NYAP2: variants seen among roughly 807,000 people sequenced by gnomAD.
The protein encoded by NYAP2 is neuronal tyrosine-phosphorylated phosphoinositide-3-kinase adaptor 2.
Under a neutral mutation model 50.4 loss-of-function variants are expected in NYAP2, and 23 were observed. The observed-to-expected ratio is 0.46, with a 90% CI of 0.33 to 0.65. The LOEUF is 0.65. Among genes scored for constraint, NYAP2 ranks in the 30% least tolerant of loss-of-function variants. The pLI is 0.02. For synonymous variants in NYAP2, 394 were observed against 365.2 expected (o/e 1.08, Z -0.90); for missense variants, 885 against 861.0 (o/e 1.03, Z -0.35).
chr2:225,568,358 A>T (rs1376236129), intron 4 of NYAP2, among the ~76,000 whole-genome samples: 1 of 152,118 alleles, frequency 6.6e-6, no homozygotes, highest in Non-Finnish European at 1.5e-5. Flanking sequence ...AATGTTGAGT[A>T]TTCCTTCACT....
In NYAP2 at chr2:225,640,745, G is replaced by A. The variant is rs960246497; in HGVS notation, c.1829-10687G>A. On this transcript the variant is annotated intron_variant, in intron 6 of 6. Coordinates refer to ENST00000636099, the Ensembl canonical transcript of NYAP2. The stretch of plus-strand genomic sequence containing the variant: ...ACATAAGTTTCATATTGTTAGATCT[G>A]CAAAGTCAGCTAATTACCTGTTACC... Among the ~76,000 whole-genome samples, 3 of 152,052 alleles carry A rather than the reference G, an allele frequency of 2.0e-5. 1 individual carries two copies.
At chr2:225,546,004 G>T (rs538025750) in intron 4 of NYAP2, among the ~76,000 whole-genome samples, 1 of 152,074 alleles carries the variant, frequency 6.6e-6, no homozygotes, top group Non-Finnish European at 1.5e-5. Context: ...CCCAGCTCTC[G>T]TTCTCTTTCC....
chr2:225,454,853 T>C (rs1689713376), intron 3 of NYAP2, among the ~76,000 whole-genome samples: 1 of 152,080 alleles, frequency 6.6e-6, no homozygotes, highest in East Asian at 1.9e-4. Context: ...CACCGTGTTA[T>C]GTTAAATAGC....
At chr2:225,563,052 G>A (rs986553707) in intron 4 of NYAP2, among the ~76,000 whole-genome samples, 1 of 152,088 alleles carries the variant, frequency 6.6e-6, no homozygotes, top group Non-Finnish European at 1.5e-5. Context: ...GTAAAAGTCT[G>A]CATCTTTTTA....
At chr2:225,489,164 CT>C (rs1026013843) in intron 3 of NYAP2, among the ~76,000 whole-genome samples, 1 of 151,896 alleles carries the variant, frequency 6.6e-6, no homozygotes. Context: ...AGAGGCTCCC[CT>C]TTTTCCCCTT....
intron 3 of NYAP2, among the ~76,000 whole-genome samples, chr2:225,511,559 A>C (rs532804705): frequency 6.6e-6 from 1 of 152,264 alleles, no homozygotes; most frequent in African/African-American, 2.4e-5. Flanking sequence ...CTCCGTGCTT[A>C]GTGTCTGAGT....
At chr2:225,506,222 A>G (rs562220980) in intron 3 of NYAP2, among the ~76,000 whole-genome samples, 1 of 152,148 alleles carries the variant, frequency 6.6e-6, no homozygotes, top group Admixed American at 6.5e-5. Context: ...CCTTTGTAAA[A>G]CAAATGTGTG....
the NYAP2 span, among the ~76,000 whole-genome samples, chr2:225,673,564 A>T: frequency 6.6e-6 from 1 of 152,154 alleles, no homozygotes; most frequent in African/African-American, 2.4e-5. Flanking sequence ...CAATCTTTGG[A>T]TTATTGCTGT....
At chr2:225,678,466 GTTGGA>G in the NYAP2 span, among the ~76,000 whole-genome samples, 18 of 151,996 alleles carry the variant, frequency 1.2e-4, no homozygotes, top group Non-Finnish European at 2.5e-4. Flanking sequence ...CAGCTGTGTG[GTTGGA>G]TTGATCTTTT....
At chr2:225,655,909 C>CACACACACACACACACACACACAT (rs1559242687), downstream of NYAP2, among the ~76,000 whole-genome samples, 24 of 146,326 alleles carry the variant, frequency 1.6e-4, no homozygotes, top group African/African-American at 5.8e-4. Flanking sequence ...CACACACACA[C>CACACACACACACACACACACACAT]ACACACACAC....
intron 4 of NYAP2, among the ~76,000 whole-genome samples, chr2:225,519,202 C>A (rs1275436192): frequency 2.0e-5 from 3 of 151,280 alleles, no homozygotes; most frequent in South Asian, 2.1e-4. Flanking sequence ...AAGGCATAAT[C>A]TTTTAATAAT....
intron 2 of NYAP2, among the ~76,000 whole-genome samples, chr2:225,405,899 T>A (rs929845722): frequency 2.0e-5 from 3 of 152,094 alleles, no homozygotes; most frequent in Non-Finnish European, 4.4e-5. Context: ...TTAAGGAAGT[T>A]GCACTACAAT....
At chr2:225,665,589 CAA>C in the NYAP2 span, among the ~76,000 whole-genome samples, 21 of 132,426 alleles carry the variant, frequency 1.6e-4, no homozygotes, top group South Asian at 9.9e-4. Flanking sequence ...TTTTTGAGAC[CAA>C]AAAAAAAAAG....
the NYAP2 span, among the ~76,000 whole-genome samples, chr2:225,683,303 G>C: frequency 6.6e-6 from 1 of 152,150 alleles, no homozygotes; most frequent in Non-Finnish European, 1.5e-5. Flanking sequence ...TTGGTGCTGA[G>C]AGAGCCTGAG....
At chr2:225,573,410 C>T (rs575576949) in intron 4 of NYAP2, among the ~76,000 whole-genome samples, 3 of 152,092 alleles carry the variant, frequency 2.0e-5, no homozygotes, top group East Asian at 3.9e-4. Flanking sequence ...TGCCACCACG[C>T]TGGGCTAATT....
chr2:225,664,594 C>T, the NYAP2 span, among the ~76,000 whole-genome samples: 12 of 152,020 alleles, frequency 7.9e-5, no homozygotes, highest in Non-Finnish European at 1.6e-4. Context: ...TGCGGCCGGG[C>T]ACGGTGGCTT....
intron 4 of NYAP2, among the ~76,000 whole-genome samples, chr2:225,572,943 G>T (rs903781470): frequency 5.3e-4 from 80 of 152,118 alleles, no homozygotes; most frequent in African/African-American, 1.9e-3. Flanking sequence ...CCTTGTCTCT[G>T]ATTTCAATCC....
intron 3 of NYAP2, among the ~76,000 whole-genome samples, chr2:225,473,988 A>G (rs1407317639): frequency 6.6e-6 from 1 of 152,190 alleles, no homozygotes; most frequent in Admixed American, 6.5e-5. Flanking sequence ...ATTTTTGTAT[A>G]AGGTGTAAGG....
chr2:225,663,965 G>A, the NYAP2 span, among the ~76,000 whole-genome samples: 2 of 151,992 alleles, frequency 1.3e-5, no homozygotes, highest in Non-Finnish European at 2.9e-5. Context: ...TTGCTTATTT[G>A]TCAAGTCTGG....
Sources: gnomAD v4.1 joint callset for allele counts (sites outside exome capture counted in the v4.1 genomes callset) on GRCh38, gnomAD v4.1.1 for gene constraint, MANE v1.5 for transcripts, NCBI Gene and HGNC (gene_info 2026-07-23, HGNC 2026-07-21) for gene names.